Variants in MTM1 observed in about 807,000 individuals in gnomAD.
MTM1 encodes the protein myotubularin 1.
In MTM1, 9 loss-of-function variants were observed where a neutral mutation model predicts 52.1. That is an observed-to-expected ratio of 0.17 (90% CI 0.10 to 0.30). MTM1 has a LOEUF of 0.30. Ranked by LOEUF, MTM1 falls within the 10% of genes least tolerant of loss-of-function variation. The pLI is 1.00. For synonymous variants in MTM1, 136 were observed against 163.8 expected, an observed-to-expected ratio of 0.83 and a Z score of 1.29; for missense variants, 277 against 470.7, an observed-to-expected ratio of 0.59 and a Z score of 3.81.
chrX:150,640,025 G>C (rs782336943), intron 7 of MTM1, among the ~76,000 whole-genome samples: 1 of 111,258 alleles, frequency 9.0e-6, no homozygotes, highest in Non-Finnish European at 1.9e-5. Flanking sequence ...ATGTGACATA[G>C]TATATCCTGT....
At chrX:150,643,638 G>T (rs956254449) in intron 8 of MTM1, among the ~76,000 whole-genome samples, 1 of 111,761 alleles carries the variant, frequency 8.9e-6, no homozygotes. Flanking sequence ...GCAATATCTT[G>T]TAAACAACTT....
chrX:150,574,491 C>T (rs2038435397), intron 1 of MTM1, among the ~76,000 whole-genome samples: 1 of 112,072 alleles, frequency 8.9e-6, no homozygotes, highest in Non-Finnish European at 1.9e-5. Context: ...TTTAAGATAG[C>T]GCTAGCCAAT....
chrX:150,646,890 A>G (rs2039940435), intron 9 of MTM1, among the ~76,000 whole-genome samples: 1 of 111,773 alleles, frequency 8.9e-6, no homozygotes, highest in African/African-American at 3.3e-5. Flanking sequence ...GTCAGACTGC[A>G]TGCATGCAGA....
chrX:150,666,166 A>C (rs906469232), intron 14 of MTM1, among the ~76,000 whole-genome samples: 5 of 112,334 alleles, frequency 4.5e-5, no homozygotes, highest in Non-Finnish European at 7.5e-5. Context: ...CATACTTTAT[A>C]ATTCATTTCC....
intron 8 of MTM1, 72 bp from the exon 9 acceptor site, chrX:150,645,611 T>G: frequency 1.0e-6 from 1 of 985,140 alleles, no homozygotes; most frequent in Non-Finnish European, 1.4e-6. Flanking sequence ...AGTGCTTTAC[T>G]GTTTTACAGT....
chrX:150,587,217 G>C (rs1557412306), intron 1 of MTM1, among the ~76,000 whole-genome samples: 1 of 111,612 alleles, frequency 9.0e-6, no homozygotes, highest in Non-Finnish European at 1.9e-5. Context: ...TTAATAGCTT[G>C]TTTTTTAGTT....
In MTM1 at chrX:150,658,044, A is replaced by G. The variant is rs185258809; in HGVS notation, c.1260+17A>G. On this transcript the variant is annotated intron_variant, in intron 11 of 14. Coordinates refer to ENST00000370396, the MANE Select transcript of MTM1 (RefSeq NM_000252.3). ...TTTGCATCTGTGAGTAAACAAAGCT[A>G]ATTTCTAAAAATAGATCACTACCAT... The G allele has an allele frequency of 9.0e-3, 9,990 of 1,115,153 alleles. 44 individuals are homozygous for G. The highest frequency in any genetic ancestry group is 0.01 in the Non-Finnish European group (8,463 of 809,674). The allele number at this position is 1,115,153 out of a possible 1,213,427, so 91.9% of individuals were successfully genotyped here. A position where few individuals can be genotyped will look rare whatever the true frequency, so the allele number is the denominator to read the frequency against.
At chrX:150,570,158 G>A (rs1017289893) in intron 1 of MTM1, among the ~76,000 whole-genome samples, 1 of 111,743 alleles carries the variant, frequency 8.9e-6, no homozygotes, top group South Asian at 3.8e-4. Context: ...CCAACGGTGG[G>A]CACTGGGAAG....
At chrX:150,569,264 G>A (rs2038321018) in intron 1 of MTM1, among the ~76,000 whole-genome samples, 1 of 113,599 alleles carries the variant, frequency 8.8e-6, no homozygotes, top group Non-Finnish European at 1.9e-5. Context: ...TCCCTGATAC[G>A]CAGTCGGAAG....
At chrX:150,614,952 G>A (rs1906062701) in intron 5 of MTM1, among the ~76,000 whole-genome samples, 1 of 111,276 alleles carries the variant, frequency 9.0e-6, no homozygotes, top group Admixed American at 9.5e-5. Context: ...TGAGTGGGAA[G>A]AGAACTTTAT....
At chrX:150,568,295 C>G (rs2038290262), upstream of MTM1, among the ~76,000 whole-genome samples, 1 of 113,378 alleles carries the variant, frequency 8.8e-6, no homozygotes, top group Non-Finnish European at 1.9e-5. Flanking sequence ...CCAGCCGCCT[C>G]CGCCCGGCGC....
At chrX:150,626,617 T>C (rs782495831) in intron 6 of MTM1, among the ~76,000 whole-genome samples, 1 of 111,894 alleles carries the variant, frequency 8.9e-6, no homozygotes, top group South Asian at 3.7e-4. Context: ...CAACATAGGA[T>C]GTTTTATTTT....
At chrX:150,596,409 CAT>C in intron 2 of MTM1, 87 bp from the exon 3 acceptor site, 1 of 733,865 alleles carries the variant, frequency 1.4e-6, no homozygotes, top group Non-Finnish European at 2.1e-6. Flanking sequence ...CTTTAAAAAA[CAT>C]ATTTCTAGTG....
intron 4 of MTM1, among the ~76,000 whole-genome samples, chrX:150,608,829 GATT>G (rs146537313): frequency 1.4e-4 from 14 of 98,262 alleles, no homozygotes; most frequent in Non-Finnish European, 1.7e-4. Flanking sequence ...TGATGATGAT[GATT>G]ATTATTATTA....
At chrX:150,614,998 C>CA (rs2039356768) in intron 5 of MTM1, among the ~76,000 whole-genome samples, 1 of 111,231 alleles carries the variant, frequency 9.0e-6, no homozygotes, top group African/African-American at 3.3e-5. Context: ...GTTTTTGCTC[C>CA]AGCTTGCTCC....
intron 1 of MTM1, among the ~76,000 whole-genome samples, chrX:150,578,727 C>T (rs2148402620): frequency 9.0e-6 from 1 of 111,067 alleles, no homozygotes; most frequent in South Asian, 3.9e-4. Flanking sequence ...CTGTTCTGTT[C>T]CATTGATCTG....
intron 6 of MTM1, among the ~76,000 whole-genome samples, chrX:150,627,441 G>C (rs891144273): frequency 2.7e-5 from 3 of 111,667 alleles, no homozygotes; most frequent in Non-Finnish European, 5.6e-5. Flanking sequence ...GGCTGTGCCT[G>C]ATCTGAGTTT....
At chrX:150,565,956 T>C (rs1385506200), upstream of MTM1, among the ~76,000 whole-genome samples, 1 of 103,044 alleles carries the variant, frequency 9.7e-6, no homozygotes, top group Non-Finnish European at 2.0e-5. Context: ...GATGGGGGGG[T>C]GTATGTGTGC....
At position 150,660,622 on chromosome X, in the gene MTM1, AT is replaced by A. The variant is rs1272813464; in HGVS notation, c.1467+142del. On this transcript the variant is annotated intron_variant, in intron 13 of 14. Transcript: ENST00000370396. ...AGTAGGAATTACATTAAAGGTATGC[AT>A]TTTGTGTTATATAAAGGAATACCTG... is the stretch of plus-strand genomic sequence containing the variant. The A allele has an allele frequency of 1.0e-5, 5 of 480,863 alleles. No individual in the cohort carries two copies. The African/African-American group carries it at 1.2e-4, about 11-fold the overall frequency. 39.6% of individuals were successfully genotyped at this position (480,863 alleles called of 1,213,427 possible).
Sources: allele counts gnomAD v4.1 joint callset (sites outside exome capture counted in the v4.1 genomes callset), GRCh38; gene constraint gnomAD v4.1.1; transcripts MANE v1.5; gene names NCBI Gene and HGNC (gene_info 2026-07-23, HGNC 2026-07-21).